Variants in ZBTB20 observed in about 807,000 individuals in gnomAD.
The protein encoded by ZBTB20 is zinc finger and BTB domain containing 20.
A neutral mutation model predicts 56.9 loss-of-function variants in ZBTB20; 9 were observed. The ratio of observed to expected loss-of-function variants is 0.16; its 90% CI spans 0.10 to 0.28. The LOEUF is 0.28. Among genes scored for constraint, ZBTB20 ranks in the 10% least tolerant of loss-of-function variants. ZBTB20 has a pLI of 1.00. For synonymous variants in ZBTB20, 417 were observed against 420.7 expected (o/e 0.99, Z 0.11); for missense variants, 655 against 1,003.0 (o/e 0.65, Z 4.69).
At chr3:115,024,937 T>A (rs2080357520) in intron 2 of ZBTB20, among the ~76,000 whole-genome samples, 1 of 151,210 alleles carries the variant, frequency 6.6e-6, no homozygotes, top group African/African-American at 2.4e-5. Context: ...AAATTTGCCT[T>A]ATTCTTTCTT....
chr3:114,572,854 C>G (rs974892245), intron 6 of ZBTB20, among the ~76,000 whole-genome samples: 1 of 152,044 alleles, frequency 6.6e-6, no homozygotes, highest in Non-Finnish European at 1.5e-5. Flanking sequence ...TTTATTCATT[C>G]TTACACAGAG....
chr3:114,525,869 T>C (rs2047160554), intron 6 of ZBTB20, among the ~76,000 whole-genome samples: 1 of 152,252 alleles, frequency 6.6e-6, no homozygotes, highest in Admixed American at 6.5e-5. Context: ...TCTATGATAC[T>C]GTCTTTGAGA....
chr3:114,782,722 A>C (rs1244512541), intron 5 of ZBTB20, among the ~76,000 whole-genome samples: 3 of 152,194 alleles, frequency 2.0e-5, no homozygotes, highest in Non-Finnish European at 4.4e-5. Flanking sequence ...AGATGGTGGA[A>C]TTAAGGTAAT....
At chr3:114,651,550 TAA>T (rs57059379) in intron 6 of ZBTB20, among the ~76,000 whole-genome samples, 22,357 of 91,040 alleles carry the variant, frequency 0.25, 2,916 homozygotes, top group African/African-American at 0.43. Flanking sequence ...GGTTGGATAG[TAA>T]AAAAAAAAAA....
chr3:114,844,613 C>T (rs2074593551), intron 4 of ZBTB20, among the ~76,000 whole-genome samples: 1 of 122,450 alleles, frequency 8.2e-6, no homozygotes, highest in African/African-American at 3.1e-5. Context: ...GGTAAACATA[C>T]ATTTAACTTT....
At chr3:114,534,702 A>T (rs1559924025) in intron 6 of ZBTB20, among the ~76,000 whole-genome samples, 2 of 152,210 alleles carry the variant, frequency 1.3e-5, no homozygotes, top group Admixed American at 1.3e-4. Context: ...TCTCAGCACC[A>T]TATCACACTT....
chr3:114,588,943 C>G (rs1330533481), intron 6 of ZBTB20, among the ~76,000 whole-genome samples: 1 of 152,154 alleles, frequency 6.6e-6, no homozygotes, highest in Admixed American at 6.5e-5. Flanking sequence ...GAAGGCACCT[C>G]TTCACCGGGC....
intron 4 of ZBTB20, among the ~76,000 whole-genome samples, chr3:114,823,291 T>A (rs2073353165): frequency 6.6e-6 from 1 of 151,986 alleles, no homozygotes; most frequent in Non-Finnish European, 1.5e-5. Flanking sequence ...TGCCCTGGAG[T>A]AGTGTACAAT....
chr3:114,929,004 A>G (rs1308166084), intron 3 of ZBTB20, among the ~76,000 whole-genome samples: 1 of 152,232 alleles, frequency 6.6e-6, no homozygotes, highest in African/African-American at 2.4e-5. Context: ...ATAGAAAAGA[A>G]TTTTGTATCT....
At chr3:114,813,103 CA>C (rs1216472031) in intron 4 of ZBTB20, among the ~76,000 whole-genome samples, 1 of 152,256 alleles carries the variant, frequency 6.6e-6, no homozygotes, top group Non-Finnish European at 1.5e-5. Flanking sequence ...GGGGCTCTCA[CA>C]GTGCAGCGGC....
chr3:114,320,843 T>G lies in ZBTB20; in HGVS notation c.*18162A>C, dbSNP rs1175658964. 1.3e-5 allele frequency: 2 copies of G among 152,098 alleles called. No individual in the cohort carries two copies. Among genetic ancestry groups the G allele is most frequent in the Non-Finnish European group, 2.9e-5 (2 of 68,016 alleles). 9.4% of individuals were successfully genotyped at this position (152,098 alleles called of 1,614,324 possible). On this transcript the variant is annotated 3_prime_UTR_variant, in exon 12 of 12. Transcript: ENST00000675478. ...AACCACAAATATAAAGAAATTATAATCAGGGCAACAGATTAAAATGAAAAG... is the reference window on the plus strand; with the variant it reads ...AACCACAAATATAAAGAAATTATAAGCAGGGCAACAGATTAAAATGAAAAG...
intron 2 of ZBTB20, among the ~76,000 whole-genome samples, chr3:115,006,245 CTTGT>C (rs759551201): frequency 1.1e-4 from 17 of 151,554 alleles, no homozygotes; most frequent in Non-Finnish European, 1.8e-4. Context: ...AACTAGTTTG[CTTGT>C]TTGTTTGTTT....
chr3:114,769,408 A>G (rs2069017771), intron 5 of ZBTB20, among the ~76,000 whole-genome samples: 1 of 151,474 alleles, frequency 6.6e-6, no homozygotes, highest in Non-Finnish European at 1.5e-5. Context: ...TATACTATAT[A>G]CATACTATTC....
Position 114,339,130 on chromosome 3 carries a change from C to A in ZBTB20, c.2101G>T (p.Ala701Ser). The change falls in exon 12 of 12, where the codon GCT becomes TCT. Residue 701 changes from alanine to serine, a missense_variant. Coordinates refer to ENST00000675478, the MANE Select transcript of ZBTB20 (RefSeq NM_001348800.3). The surrounding 1 kb of genome is among the most constrained non-coding windows in gnomAD (Gnocchi z 4.2). ...CAGGCCACCACGCCTGGGGGGCCAGCGCGGGCACCTGGGGGTGTGCCTGCA... is the reference window on the plus strand; with the variant it reads ...CAGGCCACCACGCCTGGGGGGCCAGAGCGGGCACCTGGGGGTGTGCCTGCA... ...PPAGTPPGAR[A>S]GPPGVVACTE... 6.2e-7 allele frequency: 1 copy of A among 1,611,890 alleles called. No individual in the cohort carries two copies. The highest frequency in any genetic ancestry group is 1.1e-5 in the South Asian group (1 of 90,882).
intron 6 of ZBTB20, among the ~76,000 whole-genome samples, chr3:114,514,229 A>C (rs2045728316): frequency 6.6e-6 from 1 of 152,202 alleles, no homozygotes; most frequent in Non-Finnish European, 1.5e-5. Flanking sequence ...AGAGTTGTTT[A>C]TTGAAATTCC....
At chr3:114,857,340 T>A (rs1417174646) in intron 4 of ZBTB20, among the ~76,000 whole-genome samples, 1 of 152,204 alleles carries the variant, frequency 6.6e-6, no homozygotes, top group African/African-American at 2.4e-5. Flanking sequence ...TATTTTAATG[T>A]GCAGGGTGTA....
intron 8 of ZBTB20, among the ~76,000 whole-genome samples, chr3:114,382,183 C>T (rs920029418): frequency 8.5e-5 from 13 of 152,154 alleles, no homozygotes; most frequent in Admixed American, 2.6e-4. Flanking sequence ...TCTTACAGTT[C>T]TGCTTCCTTC....
rs898559864 is a variant in ZBTB20, at chr3:114,661,379, C to T, written c.-295+32149G>A. ...ATGTGATTTTTGGAGATGTGAATCC[C>T]GTTCTTCCCATATTTAGTAATAGCC... On this transcript the variant is annotated intron_variant, in intron 6 of 11. Coordinates refer to ENST00000675478, the MANE Select transcript of ZBTB20 (RefSeq NM_001348800.3). Among the ~76,000 whole-genome samples, 5 of 152,202 alleles carry T rather than the reference C, an allele frequency of 3.3e-5. 1 individual carries two copies. Among genetic ancestry groups the T allele is most frequent in the South Asian group, 4.1e-4 (2 of 4,820 alleles).
At chr3:114,422,388 A>G (rs1267824068) in intron 7 of ZBTB20, among the ~76,000 whole-genome samples, 3 of 152,170 alleles carry the variant, frequency 2.0e-5, no homozygotes, top group Non-Finnish European at 4.4e-5. Context: ...ACACAGCAAG[A>G]AAGTATATTT....
Sources: allele counts gnomAD v4.1 joint callset (sites outside exome capture counted in the v4.1 genomes callset), GRCh38; gene constraint gnomAD v4.1.1; non-coding constraint Gnocchi (gnomAD v3.1); transcripts MANE v1.5; gene names NCBI Gene and HGNC (gene_info 2026-07-23, HGNC 2026-07-21).